ITGA9: variants seen among roughly 807,000 people sequenced by gnomAD.
ITGA9 encodes integrin subunit alpha 9, also known as integrin alpha-9.
A neutral mutation model predicts 127.8 loss-of-function variants in ITGA9; 56 were observed. The ratio of observed to expected loss-of-function variants is 0.44; its 90% confidence interval spans 0.35 to 0.55. ITGA9 has a LOEUF of 0.55. Ranked by LOEUF, ITGA9 falls within the 20% of genes least tolerant of loss-of-function variation. The probability of loss-of-function intolerance (pLI) is 0.00; values close to 1 mark genes in which losing one functional copy is unlikely to be tolerated. For synonymous variants in ITGA9, 508 were observed against 514.5 expected, an observed-to-expected ratio of 0.99 and a Z score of 0.17; for missense variants, 1,196 against 1,347.1, an observed-to-expected ratio of 0.89 and a Z score of 1.76.
intron 26 of ITGA9, among the ~76,000 whole-genome samples, chr3:37,801,913 C>T (rs1264486246): frequency 1.3e-5 from 2 of 152,108 alleles, no homozygotes; most frequent in Non-Finnish European, 1.5e-5. Flanking sequence ...ACCCCAGCTG[C>T]GGGAATGGAG....
At position 37,547,450 on chromosome 3, in the gene ITGA9, T is replaced by C. The variant is rs139446754; in HGVS notation, c.1689+4865T>C. Among the ~76,000 whole-genome samples the C allele has an allele frequency of 3.7e-4, 56 of 152,272 alleles. 1 individual carries two copies. The East Asian group carries it at 0.01, about 28-fold the overall frequency. On this transcript the variant is annotated intron_variant, in intron 15 of 27. Transcript: ENST00000264741. ...GCCCAGGTGTTTTGGCCTGTTTCCA[T>C]TTTCATATCCAACAAAATGCCTTGG...
intron 23 of ITGA9, among the ~76,000 whole-genome samples, chr3:37,759,588 A>AG (rs1696698754): frequency 6.6e-6 from 1 of 152,220 alleles, no homozygotes; most frequent in African/African-American, 2.4e-5. Context: ...ATAAGAACCA[A>AG]GGGGAAATTC....
chr3:37,592,057 G>A (rs2070481), intron 15 of ITGA9, among the ~76,000 whole-genome samples: 29,772 of 151,920 alleles, frequency 0.2, 3,507 homozygotes, highest in Admixed American at 0.33. Context: ...CCCTCCCCAC[G>A]CCCCCATATT....
At chr3:37,607,436 G>A (rs554713648) in intron 15 of ITGA9, among the ~76,000 whole-genome samples, 28 of 152,258 alleles carry the variant, frequency 1.8e-4, no homozygotes, top group African/African-American at 5.8e-4. Context: ...TTGACAGTGT[G>A]CCCAAGCTTC....
At chr3:37,789,851 G>T (rs1697087508) in intron 26 of ITGA9, 2 of 389,818 alleles carry the variant, frequency 5.1e-6, no homozygotes, top group Non-Finnish European at 9.3e-6. Flanking sequence ...AATTTAATAT[G>T]CCAAAAATGA....
chr3:37,477,395 G>A (rs1177864288), intron 3 of ITGA9, among the ~76,000 whole-genome samples: 2 of 152,198 alleles, frequency 1.3e-5, no homozygotes, highest in Admixed American at 6.5e-5. Context: ...AAATGTCTCA[G>A]TGACCAAAGG....
At chr3:37,508,404 T>C (rs1485217568) in intron 7 of ITGA9, among the ~76,000 whole-genome samples, 155 bp from the exon 8 acceptor site, 1 of 152,136 alleles carries the variant, frequency 6.6e-6, no homozygotes, top group East Asian at 1.9e-4. Flanking sequence ...GCTGGTAAAA[T>C]GACAGCTGAC....
chr3:37,672,105 G>C (rs149131398), intron 17 of ITGA9, among the ~76,000 whole-genome samples: 10 of 152,282 alleles, frequency 6.6e-5, no homozygotes, highest in Non-Finnish European at 1.3e-4. Flanking sequence ...CCAGGGTTCA[G>C]CTGGAGCTGG....
At chr3:37,812,441 G>A (rs1462759096) in intron 27 of ITGA9, among the ~76,000 whole-genome samples, 3 of 152,212 alleles carry the variant, frequency 2.0e-5, no homozygotes, top group Non-Finnish European at 2.9e-5. Flanking sequence ...CACCCTGCAG[G>A]GGGCTGGGGA....
chr3:37,452,708 G>T lies in ITGA9; in HGVS notation c.185+149G>T. On this transcript the variant is annotated intron_variant, in intron 1 of 27. Transcript: ENST00000264741. The surrounding 1 kb of genome is among the most constrained non-coding windows in gnomAD (Gnocchi z 7.3). Reference sequence around the variant, plus strand: ...CTCCGTTGCGCGCGGCTCGGCCGCCGGGGGACGGCGGGAGAAGGGAGGACG... The same window carrying T: ...CTCCGTTGCGCGCGGCTCGGCCGCCTGGGGACGGCGGGAGAAGGGAGGACG... 1.5e-6 allele frequency: 1 copy of T among 688,754 alleles called. No homozygotes were observed. Among genetic ancestry groups the T allele is most frequent in the Non-Finnish European group, 2.1e-6 (1 of 471,506 alleles). 42.7% of individuals were successfully genotyped at this position (688,754 alleles called of 1,614,324 possible). A position where few individuals can be genotyped will look rare whatever the true frequency, so the allele number is the denominator to read the frequency against.
At chr3:37,670,025 A>G (rs1194483744) in intron 17 of ITGA9, among the ~76,000 whole-genome samples, 2 of 152,322 alleles carry the variant, frequency 1.3e-5, no homozygotes, top group Middle Eastern at 3.4e-3. Flanking sequence ...TTTCTGTGAT[A>G]ATGAGATTTG....
At chr3:37,496,969 G>T (rs1038475708) in intron 5 of ITGA9, among the ~76,000 whole-genome samples, 1 of 152,158 alleles carries the variant, frequency 6.6e-6, no homozygotes, top group African/African-American at 2.4e-5. Context: ...ACACTCCCCT[G>T]CATTGCTTCT....
chr3:37,503,396 A>G, intron 6 of ITGA9, 89 bp downstream of exon 6: 1 of 1,493,480 alleles, frequency 6.7e-7, no homozygotes, highest in Non-Finnish European at 9.2e-7. Flanking sequence ...TGTTGGAAAG[A>G]GGAGTTAGTT....
At chr3:37,559,341 T>C (rs1699463431) in intron 15 of ITGA9, among the ~76,000 whole-genome samples, 1 of 152,182 alleles carries the variant, frequency 6.6e-6, no homozygotes, top group African/African-American at 2.4e-5. Context: ...GGGATTGCTT[T>C]CTGGATAATC....
intron 15 of ITGA9, among the ~76,000 whole-genome samples, chr3:37,613,799 G>T (rs1345285502): frequency 2.6e-5 from 4 of 152,280 alleles, no homozygotes; most frequent in Middle Eastern, 6.8e-3. Flanking sequence ...TTGCCCACTT[G>T]TTGATGGGGT....
chr3:37,700,978 G>A (rs1366077553), intron 18 of ITGA9, among the ~76,000 whole-genome samples: 1 of 152,206 alleles, frequency 6.6e-6, no homozygotes, highest in Non-Finnish European at 1.5e-5. Context: ...GCATCTTGCT[G>A]TATGGGATCA....
chr3:37,543,321 A>G (rs1157308603), intron 15 of ITGA9, among the ~76,000 whole-genome samples: 1 of 152,142 alleles, frequency 6.6e-6, no homozygotes, highest in African/African-American at 2.4e-5. Flanking sequence ...CACTTAATCC[A>G]GGCCACATGG....
At chr3:37,488,180 G>A (rs1315015539) in intron 4 of ITGA9, among the ~76,000 whole-genome samples, 7 of 152,108 alleles carry the variant, frequency 4.6e-5, no homozygotes, top group African/African-American at 7.2e-5. Context: ...GTCTAGCCTC[G>A]CCTTCTTATG....
chr3:37,549,037 A>G (rs956702131), intron 15 of ITGA9, among the ~76,000 whole-genome samples: 8 of 152,236 alleles, frequency 5.3e-5, no homozygotes, highest in Non-Finnish European at 1.2e-4. Flanking sequence ...GCTCACACAG[A>G]TGGCACTAAG....
Sources: gnomAD v4.1 joint callset for allele counts (sites outside exome capture counted in the v4.1 genomes callset) on GRCh38, gnomAD v4.1.1 for gene constraint, Gnocchi (gnomAD v3.1) non-coding constraint, MANE v1.5 for transcripts, NCBI Gene and HGNC (gene_info 2026-07-23, HGNC 2026-07-21) for gene names.